DAPL1: variants seen among roughly 807,000 people sequenced by gnomAD.
DAPL1 encodes death associated protein like 1, also known as death-associated protein-like 1.
In DAPL1, 17 loss-of-function variants were observed where a neutral mutation model predicts 12.9. That is an observed-to-expected ratio of 1.32 (90% CI 0.90 to 1.98). DAPL1 has a LOEUF of 1.98. Ranked by LOEUF, DAPL1 falls within the 30% of genes most tolerant of loss-of-function variation. DAPL1 has a pLI of 0.00. For missense variants in DAPL1, 157 were observed against 125.7 expected (o/e 1.25, Z -1.19); for synonymous variants, 51 against 42.0 (o/e 1.21, Z -0.82).
At chr2:158,812,376 G>C (rs2059235467) in intron 3 of DAPL1, among the ~76,000 whole-genome samples, 1 of 152,210 alleles carries the variant, frequency 6.6e-6, no homozygotes, top group South Asian at 2.1e-4. Context: ...AGTGCTTTTA[G>C]AACTTCGGTT....
chr2:158,814,030 C>A lies in DAPL1; in HGVS notation c.208-1675C>A, dbSNP rs1296411802. Among the ~76,000 whole-genome samples, 3 of 152,078 alleles carry A rather than the reference C, an allele frequency of 2.0e-5. No homozygotes were observed. The East Asian group carries it at 5.8e-4, about 29-fold the overall frequency. ...TTTTTTTGTTTGTTTGCCTTCTCAC[C>A]CACTTTTACCTTAACTGACTTGTCA... On this transcript the variant is annotated intron_variant, in intron 3 of 3. Transcript: ENST00000309950.
At chr2:158,798,247 G>A (rs1399185949) in intron 1 of DAPL1, among the ~76,000 whole-genome samples, 2 of 152,224 alleles carry the variant, frequency 1.3e-5, no homozygotes, top group Non-Finnish European at 2.9e-5. Context: ...AAAGAGAGAA[G>A]GAAGTTGGAG....
intron 2 of DAPL1, among the ~76,000 whole-genome samples, chr2:158,805,500 T>G (rs1028028847): frequency 6.7e-6 from 1 of 149,604 alleles, no homozygotes; most frequent in African/African-American, 2.4e-5. Flanking sequence ...AATTGCAAGC[T>G]GATTAACTTT....
chr2:158,806,248 A>G (rs2059200455), intron 2 of DAPL1, among the ~76,000 whole-genome samples: 1 of 146,584 alleles, frequency 6.8e-6, no homozygotes, highest in Non-Finnish European at 1.5e-5. Context: ...AAAAAAAAAT[A>G]TGCCAAGTGC....
chr2:158,795,768 A>T (rs888867548), intron 1 of DAPL1, among the ~76,000 whole-genome samples: 1 of 152,106 alleles, frequency 6.6e-6, no homozygotes, highest in Non-Finnish European at 1.5e-5. Flanking sequence ...GCAGTGACAC[A>T]TCTACACCAG....
intron 1 of DAPL1, among the ~76,000 whole-genome samples, chr2:158,796,074 A>C (rs920829180): frequency 3.9e-5 from 6 of 152,104 alleles, no homozygotes; most frequent in Non-Finnish European, 8.8e-5. Flanking sequence ...AATTTATGCT[A>C]TCTATATTGA....
At position 158,795,427 on chromosome 2, in the gene DAPL1, G is replaced by C. The variant is rs765557268; in HGVS notation, c.55G>C (p.Ala19Pro). 94 of 1,554,690 alleles carry C rather than the reference G, an allele frequency of 6.0e-5. No homozygotes were observed. The East Asian group carries it at 2.3e-3, about 37-fold the overall frequency. Residue 19 changes from alanine (A) to proline (P), a missense_variant, in exon 1 of 4, where the codon GCA becomes CCA. Coordinates refer to ENST00000309950, the MANE Select transcript of DAPL1 (RefSeq NM_001017920.3). Reference sequence around the variant, plus strand: ...CCCTCGGAAAGGGGGACATCCTCCTGCAGGTAGGCTGCCACCTGCCCTCAG... The same window carrying C: ...CCCTCGGAAAGGGGGACATCCTCCTCCAGGTAGGCTGCCACCTGCCCTCAG... ...LSPRKGGHPPAVKAGGMRISK... is the reference protein window; with the variant it reads ...LSPRKGGHPPPVKAGGMRISK...
intron 3 of DAPL1, among the ~76,000 whole-genome samples, chr2:158,811,240 G>A (rs1304331254): frequency 2.6e-5 from 4 of 152,270 alleles, no homozygotes; most frequent in Non-Finnish European, 4.4e-5. Flanking sequence ...ACTATAAAAG[G>A]CATCGCAAAT....
chr2:158,813,012 A>T (rs2059239724), intron 3 of DAPL1, among the ~76,000 whole-genome samples: 1 of 135,680 alleles, frequency 7.4e-6, no homozygotes, highest in Non-Finnish European at 1.6e-5. Flanking sequence ...GATAGAAAAA[A>T]CGTGGTATAT....
intron 1 of DAPL1, among the ~76,000 whole-genome samples, chr2:158,796,940 G>T (rs2059137597): frequency 6.6e-6 from 1 of 152,168 alleles, no homozygotes; most frequent in South Asian, 2.1e-4. Context: ...GCAGACTTTT[G>T]CCTCCCCACT....
At chr2:158,811,264 T>A (rs2059228756) in intron 3 of DAPL1, among the ~76,000 whole-genome samples, 1 of 152,340 alleles carries the variant, frequency 6.6e-6, no homozygotes. Flanking sequence ...AAAAGGCTTC[T>A]CTTGTTCTGT....
At chr2:158,802,317 A>G (rs761000359) in intron 1 of DAPL1, among the ~76,000 whole-genome samples, 8 of 152,212 alleles carry the variant, frequency 5.3e-5, no homozygotes, top group Non-Finnish European at 1.0e-4. Flanking sequence ...CTGTTAGGAG[A>G]GCAAGAACCT....
intron 2 of DAPL1, among the ~76,000 whole-genome samples, chr2:158,805,111 A>C (rs1024559387): frequency 6.6e-6 from 1 of 152,228 alleles, no homozygotes; most frequent in African/African-American, 2.4e-5. Context: ...GTAATTCAAA[A>C]GGATCTGAGT....
At chr2:158,795,504 C>G in intron 1 of DAPL1, 74 bp downstream of exon 1, 1 of 1,399,154 alleles carries the variant, frequency 7.1e-7, no homozygotes, top group Middle Eastern at 1.8e-4. Context: ...CCATGGAGCA[C>G]CCCGACAGAC....
chr2:158,803,225 A>G (rs1242695334), intron 1 of DAPL1, among the ~76,000 whole-genome samples: 6 of 152,334 alleles, frequency 3.9e-5, no homozygotes, highest in South Asian at 2.1e-4. Context: ...TTGGAAAATA[A>G]TTGTAGGAGG....
At chr2:158,799,228 G>T (rs2059152200) in intron 1 of DAPL1, among the ~76,000 whole-genome samples, 1 of 152,062 alleles carries the variant, frequency 6.6e-6, no homozygotes, top group African/African-American at 2.4e-5. Flanking sequence ...ATTATTGAAA[G>T]GACTGAAAGT....
At chr2:158,815,102 T>C (rs746312016) in intron 3 of DAPL1, among the ~76,000 whole-genome samples, 2 of 152,240 alleles carry the variant, frequency 1.3e-5, no homozygotes, top group Admixed American at 6.5e-5. Flanking sequence ...TACTCATAGA[T>C]GTCTTCTGTG....
At chr2:158,797,184 G>T (rs1461888662) in intron 1 of DAPL1, among the ~76,000 whole-genome samples, 1 of 152,172 alleles carries the variant, frequency 6.6e-6, no homozygotes, top group African/African-American at 2.4e-5. Flanking sequence ...AGACAGACCT[G>T]GGTTTGAACC....
intron 3 of DAPL1, 79 bp from the exon 4 acceptor site, chr2:158,815,626 A>T: frequency 1.2e-6 from 1 of 862,284 alleles, no homozygotes; most frequent in Non-Finnish European, 2.0e-6. Context: ...TTGATCAACG[A>T]TATCACTTTC....
Sources: gnomAD v4.1 joint callset for allele counts (sites outside exome capture counted in the v4.1 genomes callset) on GRCh38, gnomAD v4.1.1 for gene constraint, MANE v1.5 for transcripts, NCBI Gene and HGNC (gene_info 2026-07-23, HGNC 2026-07-21) for gene names.